The following DNAI3 variants were observed in gnomAD, a reference collection of about 807,000 sequenced individuals.
DNAI3 encodes WD repeat domain 63.
In DNAI3, 83 loss-of-function variants were observed where a neutral mutation model predicts 115.5. The ratio of observed to expected loss-of-function variants is 0.72; its 90% confidence interval spans 0.60 to 0.86. DNAI3 has a LOEUF of 0.86. DNAI3 is among the 40% of genes least tolerant of loss of function. The pLI is 0.00. For synonymous variants in DNAI3, 320 were observed against 347.0 expected, an observed-to-expected ratio of 0.92 and a Z score of 0.86; for missense variants, 1,004 against 1,075.8, an observed-to-expected ratio of 0.93 and a Z score of 0.93.
At chr1:85,132,618 A>T (rs568709640) in intron 22 of DNAI3, among the ~76,000 whole-genome samples, 1 of 151,246 alleles carries the variant, frequency 6.6e-6, no homozygotes, top group African/African-American at 2.4e-5. Flanking sequence ...GAAGGCCGGA[A>T]AAAGGGACTT....
At chr1:85,103,918 TAA>T (rs1655405162) in intron 13 of DNAI3, among the ~76,000 whole-genome samples, 2 of 147,246 alleles carry the variant, frequency 1.4e-5, no homozygotes, top group Admixed American at 6.8e-5. Flanking sequence ...ATAATAATAA[TAA>T]TAATAATAAT....
intron 11 of DNAI3, 82 bp from the exon 12 acceptor site, chr1:85,097,487 T>C: frequency 3.7e-6 from 5 of 1,336,780 alleles, no homozygotes; most frequent in African/African-American, 1.5e-5. Flanking sequence ...CTTATCAGGC[T>C]ACAAACCAAT....
Position 85,072,077 on chromosome 1 carries a change from T to C in DNAI3, c.64+72T>C, listed in dbSNP as rs557368078. 36 of 1,352,608 alleles carry C rather than the reference T, an allele frequency of 2.7e-5. No homozygotes were observed. The African/African-American group carries it at 5.0e-4, about 19-fold the overall frequency. 83.8% of individuals were successfully genotyped at this position (1,352,608 alleles called of 1,614,324 possible). A position where few individuals can be genotyped will look rare whatever the true frequency, so the allele number is the denominator to read the frequency against. On this transcript the variant is annotated intron_variant, in intron 2 of 22. Transcript: ENST00000294664. ...GTATATATTAGCAGCAAAATGATTATGGTTTTACATATCAAATGAAATAAA... is the reference window on the plus strand; with the variant it reads ...GTATATATTAGCAGCAAAATGATTACGGTTTTACATATCAAATGAAATAAA...
intron 7 of DNAI3, among the ~76,000 whole-genome samples, chr1:85,086,849 T>C (rs937468481): frequency 8.5e-5 from 13 of 152,068 alleles, no homozygotes; most frequent in African/African-American, 2.9e-4. Context: ...CCTATTAAAA[T>C]GCAAGTCAGA....
chr1:85,094,224 G>A (rs1472094359), intron 9 of DNAI3: 3 of 617,830 alleles, frequency 4.9e-6, no homozygotes, highest in Non-Finnish European at 8.5e-6. Context: ...AACAGTACAT[G>A]TCAGTTTGGA....
Position 85,126,628 on chromosome 1 carries a change from G to T in DNAI3, c.2230G>T (p.Asp744Tyr). ...GREDGYIDIW[D>Y]LLEKTHEPAQ... ...AGAAGATGGATACATTGATATCTGG[G>T]ACCTTCTGGAGAAAACCCATGAACC... Residue 744 changes from aspartate (D) to tyrosine (Y), a missense_variant, in exon 20 of 23, where the codon GAC becomes TAC. Asp to Tyr is a radical substitution (Grantham distance 160). Transcript: ENST00000294664. The T allele has an allele frequency of 6.2e-7, 1 of 1,614,054 alleles. No homozygotes were observed. The highest frequency in any genetic ancestry group is 8.5e-7 in the Non-Finnish European group (1 of 1,179,992).
intron 17 of DNAI3, among the ~76,000 whole-genome samples, chr1:85,120,052 C>T (rs1655945336): frequency 6.6e-6 from 1 of 152,210 alleles, no homozygotes; most frequent in South Asian, 2.1e-4. Flanking sequence ...AGGCCTTGCC[C>T]TACTTGGAAT....
intron 7 of DNAI3, among the ~76,000 whole-genome samples, chr1:85,087,434 C>CAAAAAAAAAAAAAAAAAAAA (rs1162431713): frequency 2.7e-3 from 127 of 46,548 alleles, no homozygotes; most frequent in Non-Finnish European, 3.3e-3. Context: ...GACTCCATCT[C>CAAAAAAAAAAAAAAAAAAAA]AAAAAAAAAA....
chr1:85,111,555 A>G (rs746870295), intron 16 of DNAI3, among the ~76,000 whole-genome samples: 18 of 152,242 alleles, frequency 1.2e-4, no homozygotes, highest in Non-Finnish European at 2.1e-4. Context: ...AATGATCACA[A>G]CAATCTGCAA....
intron 19 of DNAI3, among the ~76,000 whole-genome samples, chr1:85,125,634 T>C (rs1239569441): frequency 6.6e-6 from 1 of 152,136 alleles, no homozygotes; most frequent in African/African-American, 2.4e-5. Flanking sequence ...GTCAGGAATT[T>C]GGTTATAGAA....
At chr1:85,085,618 C>G (rs1654778249) in intron 6 of DNAI3, among the ~76,000 whole-genome samples, 1 of 152,196 alleles carries the variant, frequency 6.6e-6, no homozygotes. Context: ...ACTTCCTGTT[C>G]TTTGCACCTG....
intron 1 of DNAI3, among the ~76,000 whole-genome samples, chr1:85,068,157 C>T (rs899149513): frequency 1.5e-4 from 22 of 150,934 alleles, no homozygotes; most frequent in African/African-American, 5.4e-4. Flanking sequence ...GTTCACTGTG[C>T]TAGTTACAGG....
rs1314755447 is a variant in DNAI3, at chr1:85,128,748, A to G, written c.2358A>G (p.Thr786=). Residue 786 remains threonine (T), a synonymous_variant, in exon 21 of 23, where the codon ACA becomes ACG. Transcript: ENST00000294664. ...TAGCCACAGCTGATTATTATGGAAC[A>G]CTGCATATATTAGAAATTCCTTGGA... ...QFIATADYYG[T]LHILEIPWTL... The G allele has an allele frequency of 3.7e-6, 6 of 1,612,718 alleles. No individual in the cohort carries two copies. The highest frequency in any genetic ancestry group is 5.1e-6 in the Non-Finnish European group (6 of 1,179,742).
At chr1:85,072,436 G>A (rs568704446) in intron 2 of DNAI3, among the ~76,000 whole-genome samples, 1 of 152,086 alleles carries the variant, frequency 6.6e-6, no homozygotes, top group Admixed American at 6.5e-5. Context: ...GAGGTCAGGA[G>A]TTCGAGACCA....
intron 9 of DNAI3, chr1:85,093,982 T>C: frequency 2.1e-6 from 1 of 482,878 alleles, no homozygotes; most frequent in Non-Finnish European, 4.0e-6. Context: ...TTCTTCCTCC[T>C]AACACTGCCT....
intron 8 of DNAI3, among the ~76,000 whole-genome samples, chr1:85,090,982 T>C (rs1654955030): frequency 6.6e-6 from 1 of 152,234 alleles, no homozygotes; most frequent in Non-Finnish European, 1.5e-5. Flanking sequence ...GAAATGTCGT[T>C]GGTTCTTTCA....
chr1:85,094,501 G>T lies in DNAI3; in HGVS notation c.1119G>T (p.Leu373Phe). 6.2e-7 allele frequency: 1 copy of T among 1,614,148 alleles called. No homozygotes were observed. Among genetic ancestry groups the T allele is most frequent in the Non-Finnish European group, 8.5e-7 (1 of 1,180,012 alleles). ...GAGTTCACTTTTCTGGTAAATTATT[G>T]CTGCAGCCATCACTGATTCTTTTCT... ...EDRVHFSGKL[L>F]LQPSLILFWS... is the part of the protein sequence containing the mutation. Residue 373 changes from leucine to phenylalanine, a missense_variant, in exon 10 of 23, where the codon TTG becomes TTT. This residue lies in a region of DNAI3 where 550 missense variants were observed against 568.1 expected (regional missense o/e 0.97). Coordinates refer to ENST00000294664, the MANE Select transcript of DNAI3 (RefSeq NM_145172.5).
chr1:85,075,734 A>T (rs1654431734), intron 3 of DNAI3, among the ~76,000 whole-genome samples: 1 of 152,212 alleles, frequency 6.6e-6, no homozygotes, highest in East Asian at 1.9e-4. Flanking sequence ...ATTTTTACAC[A>T]TAGCTAATAT....
At chr1:85,084,250 G>A (rs1481809802) in intron 5 of DNAI3, among the ~76,000 whole-genome samples, 18 of 85,030 alleles carry the variant, frequency 2.1e-4, no homozygotes, top group Admixed American at 5.6e-4. Flanking sequence ...TCAGCAGTGT[G>A]TATATATATA....
Sources: gnomAD v4.1 joint callset for allele counts (sites outside exome capture counted in the v4.1 genomes callset) on GRCh38, gnomAD v4.1.1 for gene constraint, gnomAD v4.1.1 regional missense constraint, MANE v1.5 for transcripts, NCBI Gene and HGNC (gene_info 2026-07-23, HGNC 2026-07-21) for gene names.